The following NEDD4L variants were observed in gnomAD, a reference collection of about 807,000 sequenced individuals.
The protein encoded by NEDD4L is NEDD4 like E3 ubiquitin protein ligase.
Under a neutral mutation model 148.9 loss-of-function variants are expected in NEDD4L, and 54 were observed. That is an observed-to-expected ratio of 0.36 (90% confidence interval 0.29 to 0.45). NEDD4L has a LOEUF of 0.45. Among genes scored for constraint, NEDD4L ranks in the 20% least tolerant of loss-of-function variants. The probability of loss-of-function intolerance (pLI) is 1.00; values close to 1 mark genes in which losing one functional copy is unlikely to be tolerated. For synonymous variants in NEDD4L, 433 were observed against 440.7 expected (o/e 0.98, Z 0.22); for missense variants, 856 against 1,233.8 (o/e 0.69, Z 4.59).
chr18:58,111,372 T>C (rs777120693), intron 1 of NEDD4L, among the ~76,000 whole-genome samples: 1 of 148,690 alleles, frequency 6.7e-6, no homozygotes, highest in Non-Finnish European at 1.5e-5. Context: ...CTGGCTGATG[T>C]TAATATTTTT....
intron 5 of NEDD4L, among the ~76,000 whole-genome samples, chr18:58,284,254 A>G (rs1192243477): frequency 6.6e-6 from 1 of 152,234 alleles, no homozygotes; most frequent in Non-Finnish European, 1.5e-5. Context: ...CACTTGGGAA[A>G]TTGAAACAAG....
intron 5 of NEDD4L, among the ~76,000 whole-genome samples, chr18:58,292,045 C>G (rs1270995557): frequency 6.6e-6 from 1 of 152,190 alleles, no homozygotes. Context: ...CAAAAGAACG[C>G]AGCTCTGGGG....
intron 5 of NEDD4L, among the ~76,000 whole-genome samples, chr18:58,258,097 T>A (rs2048842393): frequency 6.6e-6 from 1 of 152,220 alleles, no homozygotes; most frequent in Non-Finnish European, 1.5e-5. Flanking sequence ...TAATGAAAAT[T>A]TATTTTTCTT....
At chr18:58,196,721 T>C (rs2040748607) in intron 2 of NEDD4L, among the ~76,000 whole-genome samples, 1 of 148,196 alleles carries the variant, frequency 6.7e-6, no homozygotes, top group Non-Finnish European at 1.5e-5. Flanking sequence ...TTTTTTTTTT[T>C]TTTTTTTTTT....
intron 9 of NEDD4L, among the ~76,000 whole-genome samples, chr18:58,327,954 CTT>C (rs900381621): frequency 6.9e-6 from 1 of 144,094 alleles, no homozygotes. Flanking sequence ...TTTCTTTTTT[CTT>C]TTTTTTTTTG....
chr18:58,123,037 T>A (rs1180895681), intron 1 of NEDD4L, among the ~76,000 whole-genome samples: 1 of 152,216 alleles, frequency 6.6e-6, no homozygotes, highest in Non-Finnish European at 1.5e-5. Flanking sequence ...CTGGCCCCAC[T>A]GACTGTTTAT....
intron 1 of NEDD4L, among the ~76,000 whole-genome samples, chr18:58,067,537 A>T (rs991208449): frequency 4.6e-5 from 7 of 152,186 alleles, no homozygotes; most frequent in Admixed American, 1.3e-4. Flanking sequence ...GGGGCCTGCG[A>T]GGACACACTT....
chr18:58,379,184 G>T (rs146945424), intron 24 of NEDD4L, among the ~76,000 whole-genome samples: 189 of 152,322 alleles, frequency 1.2e-3, no homozygotes, highest in African/African-American at 4.4e-3. Flanking sequence ...GCTCACCAGG[G>T]AGCAGGGCCC....
chr18:58,049,305 C>T (rs778992075), intron 1 of NEDD4L, among the ~76,000 whole-genome samples: 7 of 152,140 alleles, frequency 4.6e-5, no homozygotes, highest in Non-Finnish European at 5.9e-5. Context: ...ACTGGATGGC[C>T]GTCTGTAAGT....
At position 58,333,935 on chromosome 18, in the gene NEDD4L, T is replaced by C. The variant is rs1332174435; in HGVS notation, c.1065+43T>C. On this transcript the variant is annotated intron_variant, in intron 12 of 30. Coordinates refer to ENST00000400345, the MANE Select transcript of NEDD4L (RefSeq NM_001144967.3). ...CCAGTCATCAGTTGACTTTTTGGGCTTTCATTTACAATCATCTGGGCTGCT... is the reference window on the plus strand; with the variant it reads ...CCAGTCATCAGTTGACTTTTTGGGCCTTCATTTACAATCATCTGGGCTGCT... 3 of 1,397,952 alleles carry C rather than the reference T, an allele frequency of 2.1e-6. No individual in the cohort carries two copies. In the South Asian group the frequency reaches 3.7e-5, roughly 17 times the overall value. 86.6% of individuals were successfully genotyped at this position (1,397,952 alleles called of 1,614,324 possible).
chr18:58,281,532 T>C (rs2148970547), intron 5 of NEDD4L, among the ~76,000 whole-genome samples: 2 of 152,292 alleles, frequency 1.3e-5, no homozygotes, highest in East Asian at 3.9e-4. Flanking sequence ...ATAAAGTCTC[T>C]TAATTATTAG....
rs552218501 is a variant in NEDD4L, at chr18:58,262,678, T to C, written c.297+10624T>C. Among the ~76,000 whole-genome samples the C allele has an allele frequency of 4.6e-5, 7 of 151,374 alleles. No individual in the cohort carries two copies. The South Asian group carries it at 1.5e-3, about 32-fold the overall frequency. ...AGAAATAATCTTCTCTCAGTGAGCA[T>C]GTTGAATGCATAATGTTCTCACTGG... On this transcript the variant is annotated intron_variant, in intron 5 of 30. Transcript: ENST00000400345.
At chr18:58,388,856 C>T (rs142499322) in intron 27 of NEDD4L, 304 of 554,832 alleles carry the variant, frequency 5.5e-4, no homozygotes, top group African/African-American at 5.2e-3. Context: ...TACGACATGC[C>T]GTGGCTTGCG....
At chr18:58,336,657 C>A (rs567150219) in intron 13 of NEDD4L, among the ~76,000 whole-genome samples, 20 of 152,188 alleles carry the variant, frequency 1.3e-4, no homozygotes, top group African/African-American at 4.6e-4. Context: ...GATAACTTTA[C>A]GTATACAATT....
intron 1 of NEDD4L, among the ~76,000 whole-genome samples, chr18:58,110,890 A>G (rs141343512): frequency 1.3e-5 from 2 of 152,318 alleles, no homozygotes; most frequent in East Asian, 1.9e-4. Context: ...TGTTACCATT[A>G]TCCTTTTGTC....
At chr18:58,197,192 C>A (rs1296493059) in intron 2 of NEDD4L, among the ~76,000 whole-genome samples, 1 of 152,106 alleles carries the variant, frequency 6.6e-6, no homozygotes, top group Non-Finnish European at 1.5e-5. Context: ...CATGATAGAG[C>A]CTGGGCCGTC....
At chr18:58,251,666 G>A (rs2047957983) in intron 4 of NEDD4L, among the ~76,000 whole-genome samples, 1 of 152,038 alleles carries the variant, frequency 6.6e-6, no homozygotes, top group Non-Finnish European at 1.5e-5. Context: ...ATATCCTCAG[G>A]CATAGACATT....
At chr18:58,259,159 T>A (rs2049010838) in intron 5 of NEDD4L, among the ~76,000 whole-genome samples, 1 of 152,200 alleles carries the variant, frequency 6.6e-6, no homozygotes, top group Non-Finnish European at 1.5e-5. Context: ...AGTACTTTTA[T>A]CTGTGCCTCC....
chr18:58,304,144 G>A (rs530695959), intron 5 of NEDD4L, among the ~76,000 whole-genome samples: 7 of 152,178 alleles, frequency 4.6e-5, no homozygotes, highest in East Asian at 1.9e-4. Flanking sequence ...AATACCTTAC[G>A]AAGCATAGGA....
Sources: gnomAD v4.1 joint callset for allele counts (sites outside exome capture counted in the v4.1 genomes callset) on GRCh38, gnomAD v4.1.1 for gene constraint, MANE v1.5 for transcripts, NCBI Gene and HGNC (gene_info 2026-07-23, HGNC 2026-07-21) for gene names.